SLC9A9: variants seen among roughly 807,000 people sequenced by gnomAD.
SLC9A9 encodes the protein sodium/hydrogen exchanger 9.
SLC9A9 carries 62 observed loss-of-function variants against 77.8 expected under a neutral mutation model. The ratio of observed to expected loss-of-function variants is 0.80; its 90% CI spans 0.65 to 0.98. The LOEUF is 0.98. Among genes scored for constraint, SLC9A9 ranks in the 50% least tolerant of loss-of-function variants. The probability of loss-of-function intolerance (pLI) is 0.00; values close to 1 mark genes in which losing one functional copy is unlikely to be tolerated. For missense variants in SLC9A9, 775 were observed against 774.9 expected (o/e 1.00, Z 0.00); for synonymous variants, 320 against 283.5 (o/e 1.13, Z -1.29).
In SLC9A9 at chr3:143,668,321, G is replaced by A. The variant is rs571866108; in HGVS notation, c.650-15961C>T. On this transcript the variant is annotated intron_variant, in intron 5 of 15. Coordinates refer to ENST00000316549, the MANE Select transcript of SLC9A9 (RefSeq NM_173653.4). Reference sequence around the variant, plus strand: ...ACAGGGTGGGGAACATCACACCCTGGGGCCTGTCGTGGGGTGGGGGGAGGG... The same window carrying A: ...ACAGGGTGGGGAACATCACACCCTGAGGCCTGTCGTGGGGTGGGGGGAGGG... 7.9e-5 allele frequency among the ~76,000 whole-genome samples: 10 copies of A among 127,384 alleles called. No homozygotes were observed. The South Asian group carries it at 8.5e-4, about 11-fold the overall frequency. The allele number at this position is 127,384 out of a possible 152,430, so 83.6% of individuals were successfully genotyped here. A position where few individuals can be genotyped will look rare whatever the true frequency, so the allele number is the denominator to read the frequency against.
intron 2 of SLC9A9, among the ~76,000 whole-genome samples, chr3:143,807,281 A>G (rs1280890673): frequency 3.9e-5 from 6 of 152,188 alleles, no homozygotes; most frequent in Admixed American, 3.9e-4. Flanking sequence ...TTGGTTTTAA[A>G]TATAGGATGA....
chr3:143,690,314 T>C (rs2057904486), intron 5 of SLC9A9, among the ~76,000 whole-genome samples: 1 of 152,084 alleles, frequency 6.6e-6, no homozygotes, highest in South Asian at 2.1e-4. Context: ...TACTAAATTT[T>C]AACTGAAAAT....
intron 4 of SLC9A9, among the ~76,000 whole-genome samples, chr3:143,751,410 C>G (rs141393457): frequency 3.5e-4 from 54 of 152,254 alleles, no homozygotes; most frequent in African/African-American, 1.1e-3. Context: ...ATGGGGATTT[C>G]CTTGGTTGAA....
intron 2 of SLC9A9, among the ~76,000 whole-genome samples, chr3:143,799,494 T>G (rs1214064474): frequency 6.6e-6 from 1 of 152,078 alleles, no homozygotes; most frequent in African/African-American, 2.4e-5. Flanking sequence ...ACACAAGAAC[T>G]CCAAATTCCT....
At chr3:143,643,676 T>C (rs2038657604) in intron 6 of SLC9A9, among the ~76,000 whole-genome samples, 1 of 152,222 alleles carries the variant, frequency 6.6e-6, no homozygotes, top group Non-Finnish European at 1.5e-5. Flanking sequence ...AAGCCTTTCT[T>C]TGAGTTTTTA....
intron 14 of SLC9A9, among the ~76,000 whole-genome samples, chr3:143,309,209 C>G (rs527545038): frequency 6.6e-6 from 1 of 152,158 alleles, no homozygotes; most frequent in African/African-American, 2.4e-5. Flanking sequence ...GGTAAACCCT[C>G]CTTACACATG....
intron 9 of SLC9A9, among the ~76,000 whole-genome samples, chr3:143,525,041 T>A (rs1016796380): frequency 1.3e-5 from 2 of 152,192 alleles, no homozygotes; most frequent in African/African-American, 4.8e-5. Flanking sequence ...AGTATTCTGT[T>A]ATTGCAATGA....
intron 4 of SLC9A9, among the ~76,000 whole-genome samples, chr3:143,719,104 C>T (rs527351894): frequency 6.6e-6 from 1 of 152,288 alleles, no homozygotes; most frequent in African/African-American, 2.4e-5. Context: ...TCTTATAGGA[C>T]ACAACACACA....
At chr3:143,801,039 A>G (rs2008538155) in intron 2 of SLC9A9, among the ~76,000 whole-genome samples, 1 of 152,158 alleles carries the variant, frequency 6.6e-6, no homozygotes, top group African/African-American at 2.4e-5. Context: ...CCATCCTAAC[A>G]AACCCATTAT....
At chr3:143,555,923 A>T (rs1007997644) in intron 8 of SLC9A9, among the ~76,000 whole-genome samples, 3 of 152,240 alleles carry the variant, frequency 2.0e-5, no homozygotes, top group Non-Finnish European at 2.9e-5. Context: ...TAAAACAACA[A>T]AATTGATCTG....
intron 9 of SLC9A9, among the ~76,000 whole-genome samples, chr3:143,514,211 C>CTTT (rs2036166711): frequency 9.3e-6 from 1 of 107,334 alleles, no homozygotes; most frequent in African/African-American, 2.7e-5. Context: ...TTGAAAGGAA[C>CTTT]CTTTTTTTTT....
At chr3:143,551,873 G>A (rs2036893319) in intron 9 of SLC9A9, among the ~76,000 whole-genome samples, 1 of 152,204 alleles carries the variant, frequency 6.6e-6, no homozygotes, top group Admixed American at 6.5e-5. Flanking sequence ...GAATCTGTGT[G>A]TTTATGTGGA....
chr3:143,397,017 C>T (rs1576470368), intron 12 of SLC9A9, among the ~76,000 whole-genome samples: 1 of 152,340 alleles, frequency 6.6e-6, no homozygotes, highest in African/African-American at 2.4e-5. Context: ...TGCAGATCTA[C>T]ATCCTGTACT....
chr3:143,667,233 G>C (rs1576646048), intron 5 of SLC9A9, among the ~76,000 whole-genome samples: 1 of 152,170 alleles, frequency 6.6e-6, no homozygotes, highest in East Asian at 1.9e-4. Flanking sequence ...AATGGGGAAA[G>C]GATTCCCTAT....
intron 9 of SLC9A9, among the ~76,000 whole-genome samples, chr3:143,532,923 G>T (rs1383017212): frequency 6.6e-6 from 1 of 152,152 alleles, no homozygotes; most frequent in Non-Finnish European, 1.5e-5. Flanking sequence ...TTAGGTCTCA[G>T]CTGAAGAGTC....
intron 4 of SLC9A9, among the ~76,000 whole-genome samples, chr3:143,761,811 T>C (rs1427279662): frequency 6.6e-6 from 1 of 152,172 alleles, no homozygotes; most frequent in African/African-American, 2.4e-5. Flanking sequence ...GAACCAGAAA[T>C]ACCATTTGAT....
At chr3:143,643,696 A>C (rs2108740786) in intron 6 of SLC9A9, among the ~76,000 whole-genome samples, 1 of 152,254 alleles carries the variant, frequency 6.6e-6, no homozygotes, top group Non-Finnish European at 1.5e-5. Flanking sequence ...AGTGCATAGG[A>C]CCTATCATTT....
At position 143,755,540 on chromosome 3, in the gene SLC9A9, C is replaced by T. The variant is rs184512764; in HGVS notation, c.533+39461G>A. Reference sequence around the variant, plus strand: ...TCCTGTTTTCAAAATGTGTTAGAGCCGTATTAGAAGCAAGAGGGAACAAGA... The same window carrying T: ...TCCTGTTTTCAAAATGTGTTAGAGCTGTATTAGAAGCAAGAGGGAACAAGA... On this transcript the variant is annotated intron_variant, in intron 4 of 15. Transcript: ENST00000316549. Among the ~76,000 whole-genome samples, 64 of 151,968 alleles carry T rather than the reference C, an allele frequency of 4.2e-4. 1 individual carries two copies. Among genetic ancestry groups the T allele is most frequent in the Middle Eastern group, 3.4e-3 (1 of 294 alleles).
rs75400160 is a variant in SLC9A9, at chr3:143,478,802, T to A, written c.1316-11612A>T. Among the ~76,000 whole-genome samples, 1,401 of 152,350 alleles carry A rather than the reference T, an allele frequency of 9.2e-3. 22 individuals carry two copies. Among genetic ancestry groups the A allele is most frequent in the African/African-American group, 0.032 (1,310 of 41,582 alleles). ...TGGTTTGCTTGTGTTAATAGTTTTC[T>A]AAGGTTTCGTCTACCCAATGCCAAC... On this transcript the variant is annotated intron_variant, in intron 11 of 15. Coordinates refer to ENST00000316549, the MANE Select transcript of SLC9A9 (RefSeq NM_173653.4).
Sources: allele counts gnomAD v4.1 joint callset (sites outside exome capture counted in the v4.1 genomes callset), GRCh38; gene constraint gnomAD v4.1.1; transcripts MANE v1.5; gene names NCBI Gene and HGNC (gene_info 2026-07-23, HGNC 2026-07-21).